The following CA14 variants were observed in gnomAD, a reference collection of about 807,000 sequenced individuals.
CA14 encodes carbonic anhydrase 14.
A neutral mutation model predicts 48.8 loss-of-function variants in CA14; 44 were observed. The ratio of observed to expected loss-of-function variants is 0.90; its 90% CI spans 0.71 to 1.16. CA14 has a LOEUF of 1.16. Ranked by LOEUF, CA14 falls within the 50% of genes most tolerant of loss-of-function variation. The pLI is 0.00. For synonymous variants in CA14, 154 were observed against 155.0 expected, an observed-to-expected ratio of 0.99 and a Z score of 0.05; for missense variants, 386 against 401.0, an observed-to-expected ratio of 0.96 and a Z score of 0.32.
At chr1:150,261,255 G>A (rs1234628856) in intron 2 of CA14, 2 of 570,232 alleles carry the variant, frequency 3.5e-6, no homozygotes, top group African/African-American at 3.7e-5. Flanking sequence ...GGGTAGGGAA[G>A]GGGAACTGCA....
intron 1 of CA14, among the ~76,000 whole-genome samples, chr1:150,259,073 G>A (rs1650782137): frequency 6.6e-6 from 1 of 152,190 alleles, no homozygotes; most frequent in African/African-American, 2.4e-5. Context: ...AGAGTGGACA[G>A]GCACCTTTAC....
At chr1:150,261,700 T>C in intron 3 of CA14, 62 bp downstream of exon 3, 6 of 1,479,190 alleles carry the variant, frequency 4.1e-6, no homozygotes, top group Non-Finnish European at 5.6e-6. Context: ...TCAGATCCTT[T>C]TGTAGTTCAT....
In CA14 at chr1:150,262,955, G is replaced by C. The variant is rs141695105; in HGVS notation, c.562+85G>C. On this transcript the variant is annotated intron_variant, in intron 6 of 10. Coordinates refer to ENST00000369111, the MANE Select transcript of CA14 (RefSeq NM_012113.3). The stretch of plus-strand genomic sequence containing the variant: ...AGCCTTGGGATGAAGCAATTACATA[G>C]AGCCAAGGAATTTTGCTTCTGGGAG... The C allele has an allele frequency of 9.3e-4, 1,474 of 1,579,602 alleles. 19 individuals carry two copies. The African/African-American group carries it at 0.016, about 17-fold the overall frequency.
intron 4 of CA14, 91 bp from the exon 5 acceptor site, chr1:150,262,434 C>A: frequency 6.8e-7 from 1 of 1,462,830 alleles, no homozygotes; most frequent in Non-Finnish European, 9.5e-7. Flanking sequence ...TAGTGCCTGC[C>A]GGGGACAGCG....
chr1:150,263,572 G>A, intron 8 of CA14, 87 bp from the exon 9 acceptor site: 2 of 1,611,906 alleles, frequency 1.2e-6, no homozygotes, highest in East Asian at 2.2e-5. Flanking sequence ...GCCCCCGGGG[G>A]ATTCTCCCAG....
intron 8 of CA14, 97 bp from the exon 9 acceptor site, chr1:150,263,562 G>GC (rs1417196481): frequency 1.2e-6 from 2 of 1,611,184 alleles, no homozygotes; most frequent in Non-Finnish European, 1.7e-6. Context: ...ACCCCAGGGT[G>GC]CCCCCGGGGG....
intron 5 of CA14, 51 bp downstream of exon 5, chr1:150,262,671 C>G: frequency 6.8e-7 from 1 of 1,474,058 alleles, no homozygotes; most frequent in Non-Finnish European, 9.5e-7. Context: ...CTCTGCAACC[C>G]TCAAACCTAT....
intron 2 of CA14, chr1:150,260,450 ACTC>A: frequency 1.9e-6 from 1 of 528,032 alleles, no homozygotes; most frequent in Non-Finnish European, 3.5e-6. Context: ...CTGGGTGGGA[ACTC>A]TGAGCTTAGC....
Position 150,258,029 on chromosome 1 carries a change from T to G in CA14, c.-100T>G. ...ACACTCACGCCAGGAGCTCGCTCGC[T>G]CTCTCTCTCTCTCTCTCACTCCTCC... On this transcript the variant is annotated 5_prime_UTR_variant, in exon 1 of 11. Transcript: ENST00000369111. The G allele has an allele frequency of 3.1e-5, 9 of 293,242 alleles. No homozygotes were observed. The highest frequency in any genetic ancestry group is 5.5e-5 in the Admixed American group (1 of 18,338). 18.2% of individuals were successfully genotyped at this position (293,242 alleles called of 1,614,324 possible).
At position 150,260,167 on chromosome 1, in the gene CA14, T is replaced by C. The variant is rs782688929; in HGVS notation, c.72T>C (p.Tyr24=). 6.2e-7 allele frequency: 1 copy of C among 1,613,928 alleles called. No homozygotes were observed. The highest frequency in any genetic ancestry group is 8.5e-7 in the Non-Finnish European group (1 of 1,179,884). Residue 24 remains tyrosine, a synonymous_variant, in exon 2 of 11, where the codon TAT becomes TAC. Coordinates refer to ENST00000369111, the MANE Select transcript of CA14 (RefSeq NM_012113.3). The part of the protein sequence containing the change: ...LAADGGQHWT[Y]EGPHGQDHWP... ...GCCTTGCAGGTCAACACTGGACGTA[T>C]GAGGGTGAGCAGATCTCAAGGCCTC... is the stretch of plus-strand genomic sequence containing the variant.
intron 4 of CA14, 104 bp from the exon 5 acceptor site, chr1:150,262,421 A>T: frequency 2.0e-6 from 3 of 1,485,240 alleles, no homozygotes; most frequent in Non-Finnish European, 2.8e-6. Context: ...TGAGGGACAG[A>T]CTTAGTGCCT....
intron 2 of CA14, chr1:150,261,233 A>G (rs1171166298): frequency 1.8e-6 from 1 of 556,256 alleles, no homozygotes; most frequent in African/African-American, 1.9e-5. Flanking sequence ...TTGGGGAATC[A>G]TCACTGCCTC....
chr1:150,260,751 G>GT, intron 2 of CA14: 1 of 103,340 alleles, frequency 9.7e-6, no homozygotes, highest in Non-Finnish European at 1.8e-5. Context: ...ATCTCTCTAG[G>GT]TTATTTTTTT....
At chr1:150,260,450 A>C in intron 2 of CA14, 1 of 528,034 alleles carries the variant, frequency 1.9e-6, no homozygotes, top group South Asian at 1.9e-5. Context: ...CTGGGTGGGA[A>C]CTCTGAGCTT....
chr1:150,261,517 G>T lies in CA14; in HGVS notation c.135G>T (p.Gln45His). The T allele has an allele frequency of 6.2e-7, 1 of 1,614,176 alleles. No homozygotes were observed. Among genetic ancestry groups the T allele is most frequent in the Non-Finnish European group, 8.5e-7 (1 of 1,180,030 alleles). ...ASYPECGNNA[Q>H]SPIDIQTDSV... ...ACCCTGAGTGTGGAAACAATGCCCA[G>T]TCGCCCATCGATATTCAGACAGACA... The change falls in exon 3 of 11, where the codon CAG becomes CAT. Residue 45 changes from glutamine (Q) to histidine (H), a missense_variant. Physicochemically the swap from Gln to His is conservative, Grantham distance 24 (BLOSUM62 0). Transcript: ENST00000369111.
At position 150,263,079 on chromosome 1, in the gene CA14, G is replaced by A. The variant is rs1651216604; in HGVS notation, c.600G>A (p.Glu200=). ...KTSVPPFNLR[E]LLPKQLGQYF... is the part of the protein sequence containing the mutation. ...CAGTGCCTCCCTTCAACCTAAGAGA[G>A]CTGCTCCCCAAACAGCTGGGGCAGT... The change falls in exon 7 of 11, where the codon GAG becomes GAA. Residue 200 remains glutamate, a synonymous_variant. Transcript: ENST00000369111. 1 of 1,614,132 alleles carries A rather than the reference G, an allele frequency of 6.2e-7. No homozygotes were observed. Among genetic ancestry groups the A allele is most frequent in the East Asian group, 2.2e-5 (1 of 44,868 alleles).
chr1:150,261,727 T>TA, intron 3 of CA14, 89 bp downstream of exon 3: 1 of 1,233,170 alleles, frequency 8.1e-7, no homozygotes, highest in East Asian at 2.4e-5. Context: ...GATGATGGGG[T>TA]GTTCCTGAGC....
rs1470567880 is a variant in CA14, at chr1:150,264,881, C to T, written c.*222C>T. On this transcript the variant is annotated 3_prime_UTR_variant, in exon 11 of 11. Transcript: ENST00000369111. ...AACATGTAGGAGGAAATGAGGAAAT[C>T]GCTGTGTTGTTAATGCAGAGAACAA... The T allele has an allele frequency of 3.5e-5, 15 of 426,692 alleles. No individual in the cohort carries two copies. Among genetic ancestry groups the T allele is most frequent in the South Asian group, 7.7e-5 (2 of 26,022 alleles). The allele number at this position is 426,692 out of a possible 1,614,324, so 26.4% of individuals were successfully genotyped here. A position where few individuals can be genotyped will look rare whatever the true frequency, so the allele number is the denominator to read the frequency against.
Position 150,260,243 on chromosome 1 carries a change from G to C in CA14, c.76+72G>C, listed in dbSNP as rs187512445. On this transcript the variant is annotated intron_variant, in intron 2 of 10. Transcript: ENST00000369111. Reference sequence around the variant, plus strand: ...TCCTCACCTGGCAGGAAGACACACTGTGCGGGTGGGAGGAGACTTCCTTTA... The same window carrying C: ...TCCTCACCTGGCAGGAAGACACACTCTGCGGGTGGGAGGAGACTTCCTTTA... 108 of 1,470,362 alleles carry C rather than the reference G, an allele frequency of 7.3e-5. No individual in the cohort carries two copies. The East Asian group carries it at 2.2e-3, about 30-fold the overall frequency. The allele number at this position is 1,470,362 out of a possible 1,614,324, so 91.1% of individuals were successfully genotyped here. A position where few individuals can be genotyped will look rare whatever the true frequency, so the allele number is the denominator to read the frequency against.
Sources: gnomAD v4.1 joint callset for allele counts (sites outside exome capture counted in the v4.1 genomes callset) on GRCh38, gnomAD v4.1.1 for gene constraint, MANE v1.5 for transcripts, NCBI Gene and HGNC (gene_info 2026-07-23, HGNC 2026-07-21) for gene names.